The following PDE7B variants were observed in gnomAD, a reference collection of about 807,000 sequenced individuals.
PDE7B encodes the protein 3',5'-cyclic-AMP phosphodiesterase 7B.
PDE7B carries 29 observed loss-of-function variants against 56.2 expected under a neutral mutation model. That is an observed-to-expected ratio of 0.52 (90% CI 0.38 to 0.70). The LOEUF (loss-of-function observed/expected upper bound fraction) is 0.70. Among genes scored for constraint, PDE7B ranks in the 30% least tolerant of loss-of-function variants. The pLI, the probability that PDE7B is intolerant of heterozygous loss-of-function variation, is 0.00. For synonymous variants in PDE7B, 197 were observed against 196.9 expected (o/e 1.00, Z 0.00); for missense variants, 490 against 565.0 (o/e 0.87, Z 1.35).
chr6:135,957,072 A>C (rs2128200830), intron 2 of PDE7B, among the ~76,000 whole-genome samples: 1 of 152,208 alleles, frequency 6.6e-6, no homozygotes, highest in South Asian at 2.1e-4. Context: ...GAAATGGAGT[A>C]GTTGTGAGCC....
chr6:136,036,988 G>A (rs9494443), intron 2 of PDE7B, among the ~76,000 whole-genome samples: 18,746 of 152,206 alleles, frequency 0.12, 1,281 homozygotes, highest in Non-Finnish European at 0.15. Context: ...TGTTGAATTG[G>A]TTCTTACTTT....
chr6:135,858,255 C>T (rs1332552811), intron 1 of PDE7B, among the ~76,000 whole-genome samples: 10 of 151,992 alleles, frequency 6.6e-5, no homozygotes, highest in Non-Finnish European at 1.5e-4. Flanking sequence ...CAGAGTCAAG[C>T]GATTCTCCTG....
chr6:136,011,976 C>T (rs372513883), intron 2 of PDE7B, among the ~76,000 whole-genome samples: 1 of 152,128 alleles, frequency 6.6e-6, no homozygotes, highest in African/African-American at 2.4e-5. Flanking sequence ...GTCTTTCTCA[C>T]GAGGTAGAAG....
chr6:135,907,661 CA>C (rs1423577670), intron 1 of PDE7B, among the ~76,000 whole-genome samples: 1 of 148,664 alleles, frequency 6.7e-6, no homozygotes, highest in Non-Finnish European at 1.5e-5. Context: ...AGTAGTTAGA[CA>C]ATGTAATTTT....
intron 2 of PDE7B, among the ~76,000 whole-genome samples, chr6:135,971,315 A>G (rs895461973): frequency 1.3e-5 from 2 of 152,186 alleles, no homozygotes; most frequent in African/African-American, 4.8e-5. Flanking sequence ...CAACCCTACC[A>G]ATATCTTGAT....
chr6:136,007,187 T>C (rs1486786517), intron 2 of PDE7B, among the ~76,000 whole-genome samples: 2 of 152,238 alleles, frequency 1.3e-5, no homozygotes, highest in Non-Finnish European at 2.9e-5. Context: ...TTGTCTTTAC[T>C]TCTGTTTATG....
chr6:136,010,389 CTTT>C (rs1327188298), intron 2 of PDE7B, among the ~76,000 whole-genome samples: 10 of 98,826 alleles, frequency 1.0e-4, no homozygotes, highest in Admixed American at 2.1e-4. Context: ...TTATTCCCTT[CTTT>C]TTTTTTTTTT....
At chr6:135,919,300 G>A (rs1375909207) in intron 1 of PDE7B, among the ~76,000 whole-genome samples, 1 of 152,176 alleles carries the variant, frequency 6.6e-6, no homozygotes, top group Non-Finnish European at 1.5e-5. Flanking sequence ...GACCTAACAA[G>A]AGGCCTTTTA....
intron 1 of PDE7B, among the ~76,000 whole-genome samples, chr6:135,916,430 T>G (rs2128194677): frequency 6.8e-6 from 1 of 146,080 alleles, no homozygotes; most frequent in East Asian, 2.2e-4. Flanking sequence ...TTTTGCTCTG[T>G]TGCCCAGGTC....
chr6:135,945,918 A>C (rs960032821), intron 1 of PDE7B, among the ~76,000 whole-genome samples: 1 of 152,170 alleles, frequency 6.6e-6, no homozygotes, highest in Non-Finnish European at 1.5e-5. Context: ...TTATTTCAAA[A>C]TATTTGAAAT....
At chr6:135,963,349 G>C (rs1003648449) in intron 2 of PDE7B, among the ~76,000 whole-genome samples, 1 of 152,140 alleles carries the variant, frequency 6.6e-6, no homozygotes, top group Admixed American at 6.5e-5. Flanking sequence ...GCATAGTTTT[G>C]TCTGAGGGAA....
At chr6:136,172,768 G>A (rs1332045064) in intron 8 of PDE7B, among the ~76,000 whole-genome samples, 1 of 152,022 alleles carries the variant, frequency 6.6e-6, no homozygotes, top group Non-Finnish European at 1.5e-5. Flanking sequence ...ATGGTTTTAG[G>A]TCTAACGTTT....
At chr6:135,929,096 CT>C (rs1330003021) in intron 1 of PDE7B, among the ~76,000 whole-genome samples, 1 of 152,172 alleles carries the variant, frequency 6.6e-6, no homozygotes, top group Non-Finnish European at 1.5e-5. Flanking sequence ...CTGCATGCTA[CT>C]TTTGTTTTGC....
intron 2 of PDE7B, among the ~76,000 whole-genome samples, chr6:136,010,385 CCTT>C (rs1196721802): frequency 2.7e-5 from 4 of 147,892 alleles, no homozygotes; most frequent in South Asian, 2.1e-4. Context: ...CCCATTATTC[CCTT>C]CTTTTTTTTT....
chr6:136,122,810 G>C (rs1463344473), intron 3 of PDE7B, among the ~76,000 whole-genome samples: 1 of 152,160 alleles, frequency 6.6e-6, no homozygotes, highest in African/African-American at 2.4e-5. Flanking sequence ...AGCTGTATGG[G>C]AGCATAGTCA....
intron 2 of PDE7B, among the ~76,000 whole-genome samples, chr6:135,980,714 C>A (rs1226796701): frequency 6.7e-6 from 1 of 149,140 alleles, no homozygotes; most frequent in African/African-American, 2.5e-5. Context: ...CAGAGAAATG[C>A]AAATCAAAAC....
chr6:135,980,083 C>G (rs1372993608), intron 2 of PDE7B, among the ~76,000 whole-genome samples: 1 of 151,966 alleles, frequency 6.6e-6, no homozygotes, highest in Non-Finnish European at 1.5e-5. Flanking sequence ...GTACTGGTAC[C>G]AAAACAGAGA....
At chr6:135,887,775 C>A (rs916992158) in intron 1 of PDE7B, among the ~76,000 whole-genome samples, 1 of 152,082 alleles carries the variant, frequency 6.6e-6, no homozygotes, top group East Asian at 1.9e-4. Context: ...TAATTTGTGG[C>A]AGTTACCTTG....
chr6:136,132,067 A>G (rs1180166577), intron 3 of PDE7B, among the ~76,000 whole-genome samples: 1 of 152,152 alleles, frequency 6.6e-6, no homozygotes, highest in Non-Finnish European at 1.5e-5. Context: ...GAGATCTACC[A>G]TCTTAGCAAA....
Sources: allele counts gnomAD v4.1 joint callset (sites outside exome capture counted in the v4.1 genomes callset), GRCh38; gene constraint gnomAD v4.1.1; transcripts MANE v1.5; gene names NCBI Gene and HGNC (gene_info 2026-07-23, HGNC 2026-07-21).